The following ATP2C1 variants were observed in gnomAD, a reference collection of about 807,000 sequenced individuals.
ATP2C1 encodes the protein ATPase secretory pathway Ca2+ transporting 1.
A neutral mutation model predicts 120.5 loss-of-function variants in ATP2C1; 31 were observed. The observed-to-expected ratio is 0.26, with a 90% CI of 0.19 to 0.35. The LOEUF (loss-of-function observed/expected upper bound fraction) is 0.35. Ranked by LOEUF, ATP2C1 falls within the 10% of genes least tolerant of loss-of-function variation. The probability of loss-of-function intolerance (pLI) is 1.00; values close to 1 mark genes in which losing one functional copy is unlikely to be tolerated. For missense variants in ATP2C1, 731 were observed against 1,107.5 expected, an observed-to-expected ratio of 0.66 and a Z score of 4.83; for synonymous variants, 351 against 358.7, an observed-to-expected ratio of 0.98 and a Z score of 0.24.
chr3:130,971,657 A>G (rs1318708273), intron 17 of ATP2C1, among the ~76,000 whole-genome samples: 1 of 152,206 alleles, frequency 6.6e-6, no homozygotes, highest in Non-Finnish European at 1.5e-5. Flanking sequence ...CTTTGAAGGC[A>G]GGGAGTAAGG....
upstream of ATP2C1, among the ~76,000 whole-genome samples, chr3:130,893,023 C>T (rs905093371): frequency 6.6e-6 from 1 of 152,168 alleles, no homozygotes; most frequent in Admixed American, 6.5e-5. Flanking sequence ...CGGAAATTTT[C>T]TTTTGAGTTC....
chr3:130,965,256 C>A (rs1216646533), intron 14 of ATP2C1, among the ~76,000 whole-genome samples: 2 of 152,076 alleles, frequency 1.3e-5, no homozygotes, highest in Non-Finnish European at 2.9e-5. Flanking sequence ...CTTGACATCT[C>A]TCTTTCAGTC....
exon 1 of ATP2C1, chr3:130,850,861 A>G (rs998978600): frequency 2.1e-6 from 3 of 1,448,148 alleles, no homozygotes; most frequent in African/African-American, 2.9e-5. Context: ...TCTTATTTCA[A>G]AAAATATCCT....
At position 130,955,044 on chromosome 3, in the gene ATP2C1, A is replaced by T; in HGVS notation, c.720A>T (p.Glu240Asp). 6.2e-7 allele frequency: 1 copy of T among 1,612,660 alleles called. No homozygotes were observed. Among genetic ancestry groups the T allele is most frequent in the Non-Finnish European group, 8.5e-7 (1 of 1,179,102 alleles). Residue 240 changes from glutamate to aspartate, a missense_variant, in exon 10 of 28, where the codon GAA becomes GAT. Around this residue, in one of 3 missense-constraint regions of ATP2C1, gnomAD observed 571 missense variants for 845.9 expected, o/e 0.67. Transcript: ENST00000510168. ...GVVIGTGENS[E>D]FGEVFKMMQA... The stretch of plus-strand genomic sequence containing the variant: ...TCATTGGAACAGGAGAAAATTCTGA[A>T]TTTGGGGAGGTTTTTAAAATGATGC...
chr3:130,905,502 C>T (rs2058081246), intron 2 of ATP2C1, among the ~76,000 whole-genome samples: 1 of 151,998 alleles, frequency 6.6e-6, no homozygotes, highest in African/African-American at 2.4e-5. Flanking sequence ...CTATTCATTC[C>T]CTGGTGAGAA....
chr3:130,967,490 T>A, intron 16 of ATP2C1, 71 bp downstream of exon 16: 1 of 1,286,812 alleles, frequency 7.8e-7, no homozygotes. Flanking sequence ...TGTCATCAAT[T>A]TCAGTATTAC....
downstream of ATP2C1, among the ~76,000 whole-genome samples, chr3:131,007,288 C>T (rs1460624042): frequency 6.6e-6 from 1 of 152,196 alleles, no homozygotes; most frequent in Non-Finnish European, 1.5e-5. Context: ...GTTTCATTTG[C>T]AGGTCACCGT....
At chr3:130,907,293 T>C (rs2058178166) in intron 2 of ATP2C1, among the ~76,000 whole-genome samples, 1 of 152,116 alleles carries the variant, frequency 6.6e-6, no homozygotes, top group Non-Finnish European at 1.5e-5. Flanking sequence ...CAGAAACTTT[T>C]AAAATTGTGA....
At position 130,911,065 on chromosome 3, in the gene ATP2C1, A is replaced by C. The variant is rs531469826; in HGVS notation, c.6+16290A>C. Among the ~76,000 whole-genome samples the C allele has an allele frequency of 4.6e-5, 7 of 152,070 alleles. No individual in the cohort carries two copies. In the East Asian group the frequency reaches 1.2e-3, roughly 25 times the overall value. On this transcript the variant is annotated intron_variant, in intron 2 of 27. Coordinates refer to ENST00000510168, the MANE Select transcript of ATP2C1 (RefSeq NM_001378687.1). Reference sequence around the variant, plus strand: ...TACCTCTGATAGAATTTGGCTGTGAATCCATCTGGTCCTGGACTCCTTTTG... The same window carrying C: ...TACCTCTGATAGAATTTGGCTGTGACTCCATCTGGTCCTGGACTCCTTTTG...
At chr3:130,920,457 T>A (rs948343801) in intron 2 of ATP2C1, among the ~76,000 whole-genome samples, 2 of 152,232 alleles carry the variant, frequency 1.3e-5, no homozygotes, top group African/African-American at 4.8e-5. Context: ...ATTCTTGGCA[T>A]CTTTGTTGAA....
intron 2 of ATP2C1, among the ~76,000 whole-genome samples, chr3:130,896,568 T>A (rs537025714): frequency 1.3e-4 from 20 of 152,300 alleles, no homozygotes; most frequent in African/African-American, 4.8e-4. Context: ...CTACATAGAT[T>A]GATACCTGTG....
Position 130,996,816 on chromosome 3 carries a change from A to T in ATP2C1, c.2243+20A>T. 6.7e-7 allele frequency: 1 copy of T among 1,481,882 alleles called. No individual in the cohort carries two copies. The highest frequency in any genetic ancestry group is 9.4e-7 in the Non-Finnish European group (1 of 1,059,838). The allele number at this position is 1,481,882 out of a possible 1,614,324, so 91.8% of individuals were successfully genotyped here. A position where few individuals can be genotyped will look rare whatever the true frequency, so the allele number is the denominator to read the frequency against. On this transcript the variant is annotated intron_variant, in intron 24 of 27. Coordinates refer to ENST00000510168, the MANE Select transcript of ATP2C1 (RefSeq NM_001378687.1). ...TCAGAGGTACGAGTTTTTTAATTGC[A>T]TGAGCTGGAAAGACAAGGAATGTGT... is the stretch of plus-strand genomic sequence containing the variant.
At position 130,996,066 on chromosome 3, in the gene ATP2C1, G is replaced by A; in HGVS notation, c.2081G>A (p.Gly694Glu). The change falls in exon 23 of 28, where the codon GGG (glycine) becomes GAG (glutamate). Residue 694 changes from glycine to glutamate, a missense_variant. Coordinates refer to ENST00000510168, the MANE Select transcript of ATP2C1 (RefSeq NM_001378687.1). ...TIMSAIEEGK[G>E]IYNNIKNFVR... ...AGGTCTGCAATCGAAGAGGGTAAAGGGATTTATAATAACATTAAAAATTTC... is the reference window on the plus strand; with the variant it reads ...AGGTCTGCAATCGAAGAGGGTAAAGAGATTTATAATAACATTAAAAATTTC... 1 of 1,609,676 alleles carries A rather than the reference G, an allele frequency of 6.2e-7. No homozygotes were observed. Among genetic ancestry groups the A allele is most frequent in the Non-Finnish European group, 8.5e-7 (1 of 1,176,396 alleles).
intron 7 of ATP2C1, among the ~76,000 whole-genome samples, chr3:130,940,905 ATTTTTTTTTTTTTTTT>A (rs749879416): frequency 1.2e-5 from 1 of 86,072 alleles, no homozygotes; most frequent in Non-Finnish European, 2.2e-5. Context: ...TATTTAACAG[ATTTTTTTTTTTTTTTT>A]TTTTTTTTTT....
chr3:130,917,402 C>T (rs1372312974), intron 2 of ATP2C1, among the ~76,000 whole-genome samples: 1 of 151,974 alleles, frequency 6.6e-6, no homozygotes, highest in Non-Finnish European at 1.5e-5. Flanking sequence ...AATATGTGAA[C>T]GCCTTTGGAT....
chr3:130,981,173 G>C (rs1306836886), intron 20 of ATP2C1, among the ~76,000 whole-genome samples: 2 of 152,040 alleles, frequency 1.3e-5, no homozygotes, highest in Non-Finnish European at 2.9e-5. Flanking sequence ...CATCCCCCCA[G>C]ATTATCTTAG....
chr3:130,896,419 C>T (rs2069630304), intron 2 of ATP2C1, among the ~76,000 whole-genome samples: 1 of 152,132 alleles, frequency 6.6e-6, no homozygotes, highest in African/African-American at 2.4e-5. Context: ...GTGGGGTTTT[C>T]TGTCCCGTTA....
At chr3:130,892,523 A>C (rs898225601), upstream of ATP2C1, among the ~76,000 whole-genome samples, 1 of 152,148 alleles carries the variant, frequency 6.6e-6, no homozygotes, top group Admixed American at 6.5e-5. Flanking sequence ...CTCGCTGAAT[A>C]AAAGTTCAAT....
At chr3:130,937,148 G>A (rs1374301719) in intron 5 of ATP2C1, among the ~76,000 whole-genome samples, 2 of 152,160 alleles carry the variant, frequency 1.3e-5, no homozygotes, top group Non-Finnish European at 2.9e-5. Flanking sequence ...GTAAATATCA[G>A]TATATATAAC....
Sources: allele counts gnomAD v4.1 joint callset (sites outside exome capture counted in the v4.1 genomes callset), GRCh38; gene constraint gnomAD v4.1.1; regional missense constraint gnomAD v4.1.1; transcripts MANE v1.5; gene names NCBI Gene and HGNC (gene_info 2026-07-23, HGNC 2026-07-21).